Variants in AKAP12 observed in about 807,000 individuals in gnomAD.
AKAP12 encodes A-kinase anchoring protein 12, also known as A-kinase anchor protein 12.
AKAP12 carries 32 observed loss-of-function variants against 79.9 expected under a neutral mutation model. The observed-to-expected ratio is 0.40, with a 90% CI of 0.30 to 0.54. The LOEUF (loss-of-function observed/expected upper bound fraction) is 0.54, where lower values mean the gene tolerates loss of function less well. Among genes scored for constraint, AKAP12 ranks in the 20% least tolerant of loss-of-function variants. The pLI, the probability that AKAP12 is intolerant of heterozygous loss-of-function variation, is 0.48. For synonymous variants in AKAP12, 808 were observed against 857.0 expected (o/e 0.94, Z 1.00); for missense variants, 2,074 against 2,177.0 (o/e 0.95, Z 0.94).
At chr6:151,320,789 A>G (rs1777360780) in intron 3 of AKAP12, among the ~76,000 whole-genome samples, 1 of 152,138 alleles carries the variant, frequency 6.6e-6, no homozygotes, top group African/African-American at 2.4e-5. Flanking sequence ...CCCCTGCCTC[A>G]AGCCTCCAAT....
chr6:151,255,895 G>A (rs1275080410), intron 2 of AKAP12, among the ~76,000 whole-genome samples: 1 of 152,190 alleles, frequency 6.6e-6, no homozygotes, highest in Admixed American at 6.5e-5. Flanking sequence ...AACTGAACTT[G>A]AACTTGGGGT....
intron 2 of AKAP12, among the ~76,000 whole-genome samples, chr6:151,255,138 G>A (rs1256413823): frequency 6.6e-6 from 1 of 151,536 alleles, no homozygotes; most frequent in Non-Finnish European, 1.5e-5. Flanking sequence ...GCAGGTGACT[G>A]GAAAAACAGT....
rs758660746 is a variant in AKAP12, at chr6:151,350,927, G to A, written c.2536G>A (p.Val846Met). 17 of 1,613,940 alleles carry A rather than the reference G, an allele frequency of 1.1e-5. No individual in the cohort carries two copies. Among genetic ancestry groups the A allele is most frequent in the Middle Eastern group, 1.6e-4 (1 of 6,082 alleles). ...CGAAGATGACTCTGATGTCCCGGCCGTGGTCCCTCTGTCTGAGTATGATGC... is the reference window on the plus strand; with the variant it reads ...CGAAGATGACTCTGATGTCCCGGCCATGGTCCCTCTGTCTGAGTATGATGC... The part of the protein sequence containing the change: ...ANEDDSDVPA[V>M]VPLSEYDAVE... Residue 846 changes from valine (V) to methionine (M), a missense_variant, in exon 4 of 5, where the codon GTG becomes ATG. Physicochemically the swap from Val to Met is conservative, Grantham distance 21. Around this residue, in one of 3 missense-constraint regions of AKAP12, gnomAD observed 1,428 missense variants for 1,451.0 expected, o/e 0.98. Transcript: ENST00000402676. This position sits in a 1 kb window ranked among gnomAD's most constrained non-coding sequence, Gnocchi z 4.8.
At chr6:151,304,308 G>A (rs899762059) in intron 2 of AKAP12, among the ~76,000 whole-genome samples, 2 of 151,368 alleles carry the variant, frequency 1.3e-5, no homozygotes, top group Non-Finnish European at 2.9e-5. Context: ...TGGCCAACAT[G>A]GCAAACCACG....
rs1461483615 is a variant in AKAP12, at chr6:151,305,823, A to G, written c.239A>G (p.Asp80Gly). ...GATGAGCTCAGCCTCCAGGAGGGTG[A>G]CCTAAATGGCCAGAAAGGAGCCCTG... ...EQDELSLQEG[D>G]LNGQKGALNG... Residue 80 changes from aspartate (D) to glycine (G), a missense_variant, in exon 3 of 5, where the codon GAC becomes GGC. Transcript: ENST00000402676. The G allele has an allele frequency of 6.2e-7, 1 of 1,614,114 alleles. No individual in the cohort carries two copies. The highest frequency in any genetic ancestry group is 8.5e-7 in the Non-Finnish European group (1 of 1,180,010).
chr6:151,314,185 G>A (rs1479515564), intron 3 of AKAP12, among the ~76,000 whole-genome samples: 1 of 151,808 alleles, frequency 6.6e-6, no homozygotes, highest in African/African-American at 2.4e-5. Flanking sequence ...GCACCACCAC[G>A]CCCAGCTAAT....
intron 2 of AKAP12, among the ~76,000 whole-genome samples, chr6:151,271,453 C>T (rs1302684781): frequency 6.6e-6 from 1 of 151,728 alleles, no homozygotes; most frequent in Non-Finnish European, 1.5e-5. Flanking sequence ...TCCGGAGTAG[C>T]TGGGACTACA....
chr6:151,283,059 C>T (rs1776438920), intron 2 of AKAP12, among the ~76,000 whole-genome samples: 2 of 152,150 alleles, frequency 1.3e-5, no homozygotes, highest in Non-Finnish European at 2.9e-5. Context: ...AAGTGGGTAG[C>T]AGGAGATTTT....
chr6:151,338,123 G>T (rs1160548393), intron 3 of AKAP12, among the ~76,000 whole-genome samples: 1 of 152,288 alleles, frequency 6.6e-6, no homozygotes, highest in African/African-American at 2.4e-5. Flanking sequence ...TCCAAGAATA[G>T]GGATATTCCC....
chr6:151,279,539 C>T lies in AKAP12; in HGVS notation c.163-26208C>T, dbSNP rs535275443. On this transcript the variant is annotated intron_variant, in intron 2 of 4. Transcript: ENST00000402676. ...TATGCAAGAAGAAACGAGAAATATA[C>T]GATAAAGGATAAAGGTGGGAAAAAT... Among the ~76,000 whole-genome samples, 126 of 152,042 alleles carry T rather than the reference C, an allele frequency of 8.3e-4. 2 individuals carry two copies. The highest frequency in any genetic ancestry group is 8.3e-4 in the South Asian group (4 of 4,818).
At chr6:151,300,398 T>C (rs1399070560) in intron 2 of AKAP12, among the ~76,000 whole-genome samples, 1 of 152,176 alleles carries the variant, frequency 6.6e-6, no homozygotes, top group Non-Finnish European at 1.5e-5. Flanking sequence ...CACCCGGTCG[T>C]CCAATGAGGA....
At chr6:151,285,947 C>T (rs751411666) in intron 2 of AKAP12, among the ~76,000 whole-genome samples, 6 of 151,724 alleles carry the variant, frequency 4.0e-5, no homozygotes, top group Non-Finnish European at 5.9e-5. Context: ...GCGCAATCTC[C>T]GTTCTCTGCA....
At chr6:151,268,178 G>A (rs193225187) in intron 2 of AKAP12, among the ~76,000 whole-genome samples, 1 of 152,290 alleles carries the variant, frequency 6.6e-6, no homozygotes, top group African/African-American at 2.4e-5. Flanking sequence ...TTCGGGAAGC[G>A]AAGGCAGGCG....
chr6:151,241,527 A>C (rs536833594), intron 2 of AKAP12, among the ~76,000 whole-genome samples: 4 of 152,358 alleles, frequency 2.6e-5, no homozygotes, highest in Admixed American at 2.0e-4. Flanking sequence ...CGCAGTGCTG[A>C]AACGACTGCA....
In AKAP12 at chr6:151,351,870, C is replaced by T. The variant is rs1462874270; in HGVS notation, c.3479C>T (p.Pro1160Leu). ...ATGGTGATGGAACAGGCTATCCCCC[C>T]TGACTCGGTGGAAACCCCTACAGAC... ...QEMVMEQAIP[P>L]DSVETPTDSE... Residue 1160 changes from proline to leucine, a missense_variant, in exon 4 of 5, where the codon CCT (proline) becomes CTT (leucine). This residue lies in a region of AKAP12 where 1,428 missense variants were observed against 1,451.0 expected (regional missense o/e 0.98). Transcript: ENST00000402676. This position sits in a 1 kb window ranked among gnomAD's most constrained non-coding sequence, Gnocchi z 4.4. The T allele has an allele frequency of 1.2e-6, 2 of 1,613,982 alleles. No individual in the cohort carries two copies. Among genetic ancestry groups the T allele is most frequent in the Non-Finnish European group, 1.7e-6 (2 of 1,180,044 alleles).
At chr6:151,333,290 C>T (rs1025648984) in intron 3 of AKAP12, among the ~76,000 whole-genome samples, 1 of 152,108 alleles carries the variant, frequency 6.6e-6, no homozygotes, top group Non-Finnish European at 1.5e-5. Flanking sequence ...CAATCACTCC[C>T]TTCACTCCCA....
intron 2 of AKAP12, among the ~76,000 whole-genome samples, chr6:151,271,522 A>G (rs1279898101): frequency 2.0e-5 from 3 of 151,728 alleles, no homozygotes; most frequent in East Asian, 1.9e-4. Context: ...GGGTCTCACT[A>G]TATTGCCCAG....
chr6:151,337,140 TTTG>T (rs1425687689), intron 3 of AKAP12, among the ~76,000 whole-genome samples: 1 of 152,130 alleles, frequency 6.6e-6, no homozygotes, highest in East Asian at 1.9e-4. Context: ...CACTCTATAT[TTTG>T]TTGTTTTCTA....
At chr6:151,324,577 G>T in intron 3 of AKAP12, 1 of 985,310 alleles carries the variant, frequency 1.0e-6, no homozygotes, top group Non-Finnish European at 1.2e-6. Flanking sequence ...AAGCAATAAT[G>T]AACAAGATCT....
Sources: gnomAD v4.1 joint callset for allele counts (sites outside exome capture counted in the v4.1 genomes callset) on GRCh38, gnomAD v4.1.1 for gene constraint, gnomAD v4.1.1 regional missense constraint, Gnocchi (gnomAD v3.1) non-coding constraint, MANE v1.5 for transcripts, NCBI Gene and HGNC (gene_info 2026-07-23, HGNC 2026-07-21) for gene names.